ERC2: variants seen among roughly 807,000 people sequenced by gnomAD.
The protein encoded by ERC2 is ERC protein 2.
ERC2 carries 42 observed loss-of-function variants against 114.8 expected under a neutral mutation model. The observed-to-expected ratio is 0.37, with a 90% CI of 0.29 to 0.47. ERC2 has a LOEUF of 0.47. ERC2 is among the 20% of genes least tolerant of loss of function. The pLI, the probability that ERC2 is intolerant of heterozygous loss-of-function variation, is 0.99. For synonymous variants in ERC2, 454 were observed against 425.5 expected, an observed-to-expected ratio of 1.07 and a Z score of -0.82; for missense variants, 939 against 1,150.7, an observed-to-expected ratio of 0.82 and a Z score of 2.66.
intron 14 of ERC2, among the ~76,000 whole-genome samples, chr3:55,814,936 C>A (rs1259087922): frequency 1.3e-5 from 2 of 152,180 alleles, no homozygotes; most frequent in East Asian, 1.9e-4. Flanking sequence ...ATGGTCTAGA[C>A]AAGATACCCC....
At chr3:56,275,808 C>T (rs1226498027) in intron 3 of ERC2, among the ~76,000 whole-genome samples, 1 of 152,178 alleles carries the variant, frequency 6.6e-6, no homozygotes, top group Non-Finnish European at 1.5e-5. Flanking sequence ...CTGGCAATGT[C>T]TGCAGACATT....
chr3:55,772,406 C>G (rs2068284802), intron 14 of ERC2, among the ~76,000 whole-genome samples: 1 of 152,172 alleles, frequency 6.6e-6, no homozygotes, highest in Non-Finnish European at 1.5e-5. Context: ...GCTCCGCCTC[C>G]CGGGTTCATG....
rs541613799 is a variant in ERC2 at position 56,348,464 on chromosome 3, G to C, written c.658-52029C>G. Among the ~76,000 whole-genome samples, 6 of 150,510 alleles carry C rather than the reference G, an allele frequency of 4.0e-5. No homozygotes were observed. In the South Asian group the frequency reaches 8.4e-4, roughly 21 times the overall value. Reference sequence around the variant, plus strand: ...AGATGCTAGATCTTCAATTTTTCAAGGGAGGCAAATATATATATTTTTATT... The same window carrying C: ...AGATGCTAGATCTTCAATTTTTCAACGGAGGCAAATATATATATTTTTATT... On this transcript the variant is annotated intron_variant, in intron 2 of 17. Transcript: ENST00000288221.
intron 17 of ERC2, among the ~76,000 whole-genome samples, chr3:55,664,870 G>A (rs935208492): frequency 2.0e-5 from 3 of 152,172 alleles, no homozygotes; most frequent in Non-Finnish European, 4.4e-5. Flanking sequence ...TTTAGCAGTA[G>A]GTCTGCATTT....
At chr3:56,207,045 T>C (rs755803146) in intron 3 of ERC2, among the ~76,000 whole-genome samples, 218 of 152,294 alleles carry the variant, frequency 1.4e-3, no homozygotes, top group Non-Finnish European at 2.3e-3. Context: ...AGGTAAAGCA[T>C]TTAGAATACG....
At chr3:56,213,985 A>C (rs753698510) in intron 3 of ERC2, among the ~76,000 whole-genome samples, 3 of 152,224 alleles carry the variant, frequency 2.0e-5, no homozygotes, top group Non-Finnish European at 2.9e-5. Flanking sequence ...AAGGACATCC[A>C]CACCAAAACC....
In ERC2 at chr3:55,786,352, C is replaced by A. The variant is rs1575596138; in HGVS notation, c.2565-51434G>T. On this transcript the variant is annotated intron_variant, in intron 14 of 17. Coordinates refer to ENST00000288221, the MANE Select transcript of ERC2 (RefSeq NM_015576.3). ...CAAATGCTGACTTGATGCCAAGGGCCATGCCCATTGAGCTCATTACAGAGG... is the reference window on the plus strand; with the variant it reads ...CAAATGCTGACTTGATGCCAAGGGCAATGCCCATTGAGCTCATTACAGAGG... 2.0e-5 allele frequency among the ~76,000 whole-genome samples: 3 copies of A among 152,224 alleles called. No homozygotes were observed. In the East Asian group the frequency reaches 5.8e-4, roughly 29 times the overall value.
intron 10 of ERC2, among the ~76,000 whole-genome samples, chr3:55,993,084 T>C (rs566519023): frequency 1.3e-5 from 2 of 152,234 alleles, no homozygotes; most frequent in Non-Finnish European, 2.9e-5. Flanking sequence ...AAATAAACTT[T>C]TGGCTGAAAT....
intron 3 of ERC2, among the ~76,000 whole-genome samples, chr3:56,287,369 A>G (rs1263538699): frequency 1.3e-5 from 2 of 152,190 alleles, no homozygotes; most frequent in African/African-American, 2.4e-5. Flanking sequence ...AGTGCCACAC[A>G]TTTGTCCTTA....
chr3:55,737,168 C>T (rs2065687568), intron 14 of ERC2, among the ~76,000 whole-genome samples: 1 of 152,160 alleles, frequency 6.6e-6, no homozygotes, highest in South Asian at 2.1e-4. Flanking sequence ...AGATTATTCC[C>T]CTTTTCACTG....
intron 15 of ERC2, among the ~76,000 whole-genome samples, chr3:55,717,609 G>A (rs1451485432): frequency 6.6e-6 from 1 of 152,136 alleles, no homozygotes; most frequent in African/African-American, 2.4e-5. Flanking sequence ...TGTTCGAGAA[G>A]CTCTTTTTTG....
At chr3:55,807,382 G>T (rs1271993836) in intron 14 of ERC2, among the ~76,000 whole-genome samples, 1 of 152,104 alleles carries the variant, frequency 6.6e-6, no homozygotes, top group Non-Finnish European at 1.5e-5. Context: ...ACTTCTTTTT[G>T]TTCCTTCCTG....
intron 3 of ERC2, among the ~76,000 whole-genome samples, chr3:56,261,314 C>A (rs1470581591): frequency 1.3e-5 from 2 of 152,160 alleles, no homozygotes; most frequent in African/African-American, 2.4e-5. Context: ...TATTTATATA[C>A]AATCTGTTAT....
chr3:55,732,203 A>G (rs757957927), intron 15 of ERC2, among the ~76,000 whole-genome samples: 1 of 152,182 alleles, frequency 6.6e-6, no homozygotes, highest in Non-Finnish European at 1.5e-5. Flanking sequence ...GACACTGGAT[A>G]CAAGACCCAG....
At chr3:56,387,358 A>G (rs1474895253) in intron 2 of ERC2, among the ~76,000 whole-genome samples, 2 of 152,146 alleles carry the variant, frequency 1.3e-5, no homozygotes, top group East Asian at 3.9e-4. Flanking sequence ...TTCTCATCAC[A>G]TTGTGGGTGT....
At chr3:56,108,659 T>G (rs973382921) in intron 6 of ERC2, among the ~76,000 whole-genome samples, 1 of 152,148 alleles carries the variant, frequency 6.6e-6, no homozygotes, top group Non-Finnish European at 1.5e-5. Context: ...TAAGTTAATT[T>G]ATAGATTGAA....
At chr3:56,183,539 A>T (rs1403385913) in intron 3 of ERC2, among the ~76,000 whole-genome samples, 7 of 152,338 alleles carry the variant, frequency 4.6e-5, no homozygotes, top group African/African-American at 1.7e-4. Context: ...CCGACAGCAC[A>T]TTAAAGAAGG....
intron 17 of ERC2, among the ~76,000 whole-genome samples, chr3:55,675,579 G>T (rs1277022744): frequency 6.6e-6 from 1 of 152,144 alleles, no homozygotes; most frequent in African/African-American, 2.4e-5. Context: ...GTTGGAAAGA[G>T]GTGGGGCTGG....
chr3:56,465,425 A>G (rs2063500009), intron 1 of ERC2, among the ~76,000 whole-genome samples: 1 of 152,172 alleles, frequency 6.6e-6, no homozygotes, highest in Non-Finnish European at 1.5e-5. Flanking sequence ...AAAATAAAAC[A>G]AGACGGTCAT....
Sources: gnomAD v4.1 joint callset for allele counts (sites outside exome capture counted in the v4.1 genomes callset) on GRCh38, gnomAD v4.1.1 for gene constraint, MANE v1.5 for transcripts, NCBI Gene and HGNC (gene_info 2026-07-23, HGNC 2026-07-21) for gene names.